IRX1: variants seen among roughly 807,000 people sequenced by gnomAD.
The protein encoded by IRX1 is iroquois homeobox 1, also known as iroquois-class homeodomain protein IRX-1.
In IRX1, 22 loss-of-function variants were observed where a neutral mutation model predicts 34.1. The ratio of observed to expected loss-of-function variants is 0.64; its 90% CI spans 0.46 to 0.92. The LOEUF (loss-of-function observed/expected upper bound fraction) is 0.92. IRX1 is among the 40% of genes least tolerant of loss of function. The probability of loss-of-function intolerance (pLI) is 0.00; values close to 1 mark genes in which losing one functional copy is unlikely to be tolerated. For synonymous variants in IRX1, 363 were observed against 319.0 expected, an observed-to-expected ratio of 1.14 and a Z score of -1.47; for missense variants, 758 against 680.0, an observed-to-expected ratio of 1.11 and a Z score of -1.28.
chr5:3,599,160 C>A lies in IRX1; in HGVS notation c.277-65C>A. ...GTCTTGGGGACTCATGTCTCTCTCT[C>A]TCTCTCCCTTTCTCTCTCCACTTCC... On this transcript the variant is annotated intron_variant, in intron 1 of 3. Transcript: ENST00000302006. The surrounding 1 kb of genome is among the most constrained non-coding windows in gnomAD (Gnocchi z 6.6). 1 of 1,492,632 alleles carries A rather than the reference C, an allele frequency of 6.7e-7. No homozygotes were observed. The highest frequency in any genetic ancestry group is 9.1e-7 in the Non-Finnish European group (1 of 1,100,286). The allele number at this position is 1,492,632 out of a possible 1,614,324, so 92.5% of individuals were successfully genotyped here. A position where few individuals can be genotyped will look rare whatever the true frequency, so the allele number is the denominator to read the frequency against.
Position 3,601,132 on chromosome 5 carries a change from G to C in IRX1, c.*92G>C, listed in dbSNP as rs932698831. On this transcript the variant is annotated 3_prime_UTR_variant, in exon 4 of 4. Transcript: ENST00000302006. ...GGAATTAAGACAAATATTTCAGACTGGTGTAAAGGACAAATATGACAACGA... is the reference window on the plus strand; with the variant it reads ...GGAATTAAGACAAATATTTCAGACTCGTGTAAAGGACAAATATGACAACGA... The C allele has an allele frequency of 9.3e-6, 11 of 1,178,012 alleles. No homozygotes were observed. In the African/African-American group the frequency reaches 1.5e-4, roughly 16 times the overall value. 73.0% of individuals were successfully genotyped at this position (1,178,012 alleles called of 1,614,324 possible).
At position 3,596,351 on chromosome 5, in the gene IRX1, C is replaced by T. The variant is rs1279768116; in HGVS notation, c.246C>T (p.Tyr82=). 1 of 1,539,338 alleles carries T rather than the reference C, an allele frequency of 6.5e-7. No homozygotes were observed. Among genetic ancestry groups the T allele is most frequent in the Non-Finnish European group, 8.7e-7 (1 of 1,147,616 alleles). ...GAPNYSAFLP[Y]AADLSLFSQM... ...CCAACTACAGCGCCTTCCTGCCCTACGCCGCGGATCTCAGCCTCTTCTCGC... is the reference window on the plus strand; with the variant it reads ...CCAACTACAGCGCCTTCCTGCCCTATGCCGCGGATCTCAGCCTCTTCTCGC... Residue 82 remains tyrosine (Y), a synonymous_variant, in exon 1 of 4, where the codon TAC becomes TAT. Coordinates refer to ENST00000302006, the MANE Select transcript of IRX1 (RefSeq NM_024337.4).
intron 2 of IRX1, 37 bp from the exon 3 acceptor site, chr5:3,600,572 T>C (rs768524486): frequency 3.8e-6 from 6 of 1,582,888 alleles, no homozygotes; most frequent in South Asian, 1.1e-5. Context: ...CCCGCCCGTC[T>C]CTCCGTCCTA....
chr5:3,599,279 G>A lies in IRX1; in HGVS notation c.331G>A (p.Ala111Thr), dbSNP rs769040378. The change falls in exon 2 of 4, where the codon GCC becomes ACC. Residue 111 changes from alanine (A) to threonine (T), a missense_variant. Around this residue, in one of 3 missense-constraint regions of IRX1, gnomAD observed 195 missense variants for 195.0 expected, o/e 1.00. Coordinates refer to ENST00000302006, the MANE Select transcript of IRX1 (RefSeq NM_024337.4). This position sits in a 1 kb window ranked among gnomAD's most constrained non-coding sequence, Gnocchi z 6.6. ...TGGGGTGCACCCCGCCACCTTCGCAGCCCACACGGCGCCGGCTTATTACCC... is the reference window on the plus strand; with the variant it reads ...TGGGGTGCACCCCGCCACCTTCGCAACCCACACGGCGCCGGCTTATTACCC... Reference protein sequence around the residue: ...NPGVHPATFAAHTAPAYYPYG... With the variant: ...NPGVHPATFATHTAPAYYPYG... 2 of 1,613,840 alleles carry A rather than the reference G, an allele frequency of 1.2e-6. No homozygotes were observed. Among genetic ancestry groups the A allele is most frequent in the Non-Finnish European group, 1.7e-6 (2 of 1,180,028 alleles).
intron 3 of IRX1, 139 bp from the exon 4 acceptor site, chr5:3,600,842 CTG>C: frequency 1.7e-6 from 2 of 1,153,360 alleles, no homozygotes; most frequent in African/African-American, 3.0e-5. Context: ...GCCGAGGAGA[CTG>C]GAGTTTCTCC....
In IRX1 at chr5:3,599,881, C is replaced by A; in HGVS notation, c.933C>A (p.His311Gln). Residue 311 changes from histidine to glutamine, a missense_variant, in exon 2 of 4, where the codon CAC (histidine) becomes CAA (glutamine). Physicochemically the swap from His to Gln is conservative, Grantham distance 24. Transcript: ENST00000302006. This position sits in a 1 kb window ranked among gnomAD's most constrained non-coding sequence, Gnocchi z 6.6. The part of the protein sequence containing the change: ...AAAGGLQGAP[H>Q]GKPKIWSLAE... ...CGGGCGGCCTGCAGGGTGCGCCGCA[C>A]GGCAAGCCCAAGATCTGGTCGCTGG... 6.7e-7 allele frequency: 1 copy of A among 1,496,706 alleles called. No homozygotes were observed. Among genetic ancestry groups the A allele is most frequent in the Non-Finnish European group, 8.9e-7 (1 of 1,126,468 alleles). The allele number at this position is 1,496,706 out of a possible 1,614,324, so 92.7% of individuals were successfully genotyped here. A position where few individuals can be genotyped will look rare whatever the true frequency, so the allele number is the denominator to read the frequency against.
Position 3,601,147 on chromosome 5 carries a change from T to C in IRX1, c.*107T>C. 16 of 1,048,846 alleles carry C rather than the reference T, an allele frequency of 1.5e-5. No homozygotes were observed. Among genetic ancestry groups the C allele is most frequent in the Non-Finnish European group, 2.3e-5 (16 of 690,206 alleles). The allele number at this position is 1,048,846 out of a possible 1,614,324, so 65.0% of individuals were successfully genotyped here. On this transcript the variant is annotated 3_prime_UTR_variant, in exon 4 of 4. Coordinates refer to ENST00000302006, the MANE Select transcript of IRX1 (RefSeq NM_024337.4). ...ATTTCAGACTGGTGTAAAGGACAAA[T>C]ATGACAACGACGTCAAGGACTCGCA...
rs137925095 is a variant in IRX1 at position 3,600,486 on chromosome 5, G to T, written c.1313-123G>T. The T allele has an allele frequency of 3.7e-4, 360 of 963,282 alleles. No homozygotes were observed. In the African/African-American group the frequency reaches 4.6e-3, roughly 12 times the overall value. 59.7% of individuals were successfully genotyped at this position (963,282 alleles called of 1,614,324 possible). A position where few individuals can be genotyped will look rare whatever the true frequency, so the allele number is the denominator to read the frequency against. ...CGGGCCTGCTACGGGGTGGTGGTGG[G>T]GTGAGGGGTGACGTTTTTCGGCGAA... On this transcript the variant is annotated intron_variant, in intron 2 of 3. Coordinates refer to ENST00000302006, the MANE Select transcript of IRX1 (RefSeq NM_024337.4).
rs1554009080 is a variant in IRX1, at chr5:3,596,318, G to C, written c.213G>C (p.Ala71=). ...TGTACGCGGCGGCGGGGCCGTACGCGGGCGCGCCCAACTACAGCGCCTTCC... is the reference window on the plus strand; with the variant it reads ...TGTACGCGGCGGCGGGGCCGTACGCCGGCGCGCCCAACTACAGCGCCTTCC... ...LGMYAAAGPY[A]GAPNYSAFLP... The change falls in exon 1 of 4, where the codon GCG becomes GCC. Residue 71 remains alanine (A), a synonymous_variant. Transcript: ENST00000302006. 5.3e-6 allele frequency: 8 copies of C among 1,496,592 alleles called. No homozygotes were observed. The highest frequency in any genetic ancestry group is 7.1e-6 in the Non-Finnish European group (8 of 1,126,130). 92.7% of individuals were successfully genotyped at this position (1,496,592 alleles called of 1,614,324 possible).
Position 3,599,832 on chromosome 5 carries a change from G to T in IRX1, c.884G>T (p.Arg295Leu), listed in dbSNP as rs760388504. ...AKEAPEPGST[R>L]LLSPGAAAGG... is the part of the protein sequence containing the mutation. ...GAGGCCCCAGAGCCGGGCAGCACGCGCCTGCTGAGCCCCGGCGCTGCAGCG... is the reference window on the plus strand; with the variant it reads ...GAGGCCCCAGAGCCGGGCAGCACGCTCCTGCTGAGCCCCGGCGCTGCAGCG... Residue 295 changes from arginine (R) to leucine (L), a missense_variant, in exon 2 of 4, where the codon CGC (arginine) becomes CTC (leucine). Around this residue, in one of 3 missense-constraint regions of IRX1, gnomAD observed 529 missense variants for 418.8 expected, o/e 1.26. Transcript: ENST00000302006. This position sits in a 1 kb window ranked among gnomAD's most constrained non-coding sequence, Gnocchi z 6.6. The T allele has an allele frequency of 6.4e-6, 10 of 1,558,046 alleles. No homozygotes were observed. In the African/African-American group the frequency reaches 1.1e-4, roughly 17 times the overall value.
chr5:3,595,858 G>A lies in IRX1; in HGVS notation c.-248G>A, dbSNP rs1039756000. On this transcript the variant is annotated 5_prime_UTR_variant, in exon 1 of 4. Transcript: ENST00000302006. ...TGTCTGAAAGCCCCGCCGCCGAGCG[G>A]AGGGCGGCCGCCGCAGTCGGCGCGC... is the stretch of plus-strand genomic sequence containing the variant. Among the ~76,000 whole-genome samples the A allele has an allele frequency of 2.4e-3, 363 of 151,178 alleles. 1 individual carries two copies. The highest frequency in any genetic ancestry group is 4.3e-3 in the Non-Finnish European group (292 of 67,578).
chr5:3,599,988 C>T lies in IRX1; in HGVS notation c.1040C>T (p.Ser347Phe). 6.6e-7 allele frequency: 1 copy of T among 1,516,526 alleles called. No homozygotes were observed. The highest frequency in any genetic ancestry group is 1.3e-5 in the South Asian group (1 of 79,564). 93.9% of individuals were successfully genotyped at this position (1,516,526 alleles called of 1,614,324 possible). A position where few individuals can be genotyped will look rare whatever the true frequency, so the allele number is the denominator to read the frequency against. Residue 347 changes from serine to phenylalanine, a missense_variant, in exon 2 of 4, where the codon TCC (serine) becomes TTC (phenylalanine). Ser to Phe is a radical substitution (Grantham distance 155, BLOSUM62 -2). Around this residue, in one of 3 missense-constraint regions of IRX1, gnomAD observed 529 missense variants for 418.8 expected, o/e 1.26. Coordinates refer to ENST00000302006, the MANE Select transcript of IRX1 (RefSeq NM_024337.4). This position sits in a 1 kb window ranked among gnomAD's most constrained non-coding sequence, Gnocchi z 6.6. ...PAGHPGAHGPSAGAPLQHPAF... is the reference protein window; with the variant it reads ...PAGHPGAHGPFAGAPLQHPAF... ...GGCCACCCCGGCGCGCACGGGCCCTCCGCCGGGGCGCCGCTGCAACACCCC... is the reference window on the plus strand; with the variant it reads ...GGCCACCCCGGCGCGCACGGGCCCTTCGCCGGGGCGCCGCTGCAACACCCC...
In IRX1 at chr5:3,599,562, T is replaced by C. The variant is rs1733896581; in HGVS notation, c.614T>C (p.Leu205Pro). 34 of 1,613,666 alleles carry C rather than the reference T, an allele frequency of 2.1e-5. No homozygotes were observed. The highest frequency in any genetic ancestry group is 2.8e-5 in the Non-Finnish European group (33 of 1,179,936). Residue 205 changes from leucine (L) to proline (P), a missense_variant, in exon 2 of 4, where the codon CTC becomes CCC. By Grantham distance (98) the Leu-to-Pro change is moderately conservative (BLOSUM62 -3). This residue lies in a region of IRX1 where 529 missense variants were observed against 418.8 expected (regional missense o/e 1.26). Coordinates refer to ENST00000302006, the MANE Select transcript of IRX1 (RefSeq NM_024337.4). This position sits in a 1 kb window ranked among gnomAD's most constrained non-coding sequence, Gnocchi z 6.6. ...ARSKDQEDGA[L>P]FGSDTEGDPE... ...AGCAAGGACCAGGAAGATGGAGCGC[T>C]CTTCGGCAGCGACACCGAGGGCGAC...
At chr5:3,598,408 T>C (rs1373897461) in intron 1 of IRX1, among the ~76,000 whole-genome samples, 1 of 152,116 alleles carries the variant, frequency 6.6e-6, no homozygotes, top group African/African-American at 2.4e-5. Context: ...ACTTAAGAGA[T>C]GAAGTAACTG....
In IRX1 at chr5:3,600,116, T is replaced by C; in HGVS notation, c.1168T>C (p.Ser390Pro). Residue 390 changes from serine to proline, a missense_variant, in exon 2 of 4, where the codon TCC becomes CCC. By Grantham distance (74) the Ser-to-Pro change is moderately conservative (BLOSUM62 -1). This residue lies in a region of IRX1 where 529 missense variants were observed against 418.8 expected (regional missense o/e 1.26). Transcript: ENST00000302006. ...LAQGSLLNMR[S>P]FLGVGAPHAA... ...ACAGGGCTCCCTGCTCAACATGCGCTCCTTCCTGGGCGTTGGCGCTCCCCA... is the reference window on the plus strand; with the variant it reads ...ACAGGGCTCCCTGCTCAACATGCGCCCCTTCCTGGGCGTTGGCGCTCCCCA... The C allele has an allele frequency of 6.2e-7, 1 of 1,613,278 alleles. No individual in the cohort carries two copies.
intron 1 of IRX1, among the ~76,000 whole-genome samples, chr5:3,598,189 T>C (rs961038167): frequency 2.0e-5 from 3 of 152,210 alleles, no homozygotes; most frequent in African/African-American, 7.2e-5. Flanking sequence ...TAAAATTGTA[T>C]TTGAATGTCT....
Position 3,600,665 on chromosome 5 carries a change from C to T in IRX1, c.1369C>T (p.Gln457Ter). 1 of 1,613,798 alleles carries T rather than the reference C, an allele frequency of 6.2e-7. No individual in the cohort carries two copies. Among genetic ancestry groups the T allele is most frequent in the Non-Finnish European group, 8.5e-7 (1 of 1,179,956 alleles). ...GGCACAGCAGTTAAAGTCGCCCTTC[C>T]AGCCGGTACGCGACAAGTGAGTGCT... ...SPAQQLKSPF[Q>*]PVRDNSLAPQ... Residue 457 changes from glutamine to a stop codon, truncating the protein, a stop_gained, in exon 3 of 4, where the codon CAG becomes TAG. Coordinates refer to ENST00000302006, the MANE Select transcript of IRX1 (RefSeq NM_024337.4). LOFTEE classifies it high-confidence loss of function.
rs200638979 is a variant in IRX1, at chr5:3,601,073, G to T, written c.*33G>T. 3.8e-6 allele frequency: 6 copies of T among 1,584,090 alleles called. No homozygotes were observed. In the South Asian group the frequency reaches 4.4e-5, roughly 12 times the overall value. ...TCTTCTTTTACTTTTGCGGGGGGGA[G>T]GGGGGAGGAGTTGGGGAGGGAGGGA... On this transcript the variant is annotated 3_prime_UTR_variant, in exon 4 of 4. Transcript: ENST00000302006.
At chr5:3,596,500 G>A (rs1743700512) in intron 1 of IRX1, 119 bp downstream of exon 1, 1 of 1,076,864 alleles carries the variant, frequency 9.3e-7, no homozygotes, top group Non-Finnish European at 1.2e-6. Context: ...GAACTAGAAA[G>A]GTCCGGGGGC....
Sources: gnomAD v4.1 joint callset for allele counts (sites outside exome capture counted in the v4.1 genomes callset) on GRCh38, gnomAD v4.1.1 for gene constraint, gnomAD v4.1.1 regional missense constraint, Gnocchi (gnomAD v3.1) non-coding constraint, MANE v1.5 for transcripts, NCBI Gene and HGNC (gene_info 2026-07-23, HGNC 2026-07-21) for gene names.